Variants in SGCZ observed in about 807,000 individuals in gnomAD.
SGCZ encodes the protein sarcoglycan zeta, also known as zeta-sarcoglycan.
A neutral mutation model predicts 41.3 loss-of-function variants in SGCZ; 40 were observed. The ratio of observed to expected loss-of-function variants is 0.97; its 90% CI spans 0.75 to 1.26. The LOEUF (loss-of-function observed/expected upper bound fraction) is 1.26. Ranked by LOEUF, SGCZ falls within the 50% of genes most tolerant of loss-of-function variation. The probability of loss-of-function intolerance (pLI) is 0.00; values close to 1 mark genes in which losing one functional copy is unlikely to be tolerated. For missense variants in SGCZ, 552 were observed against 369.8 expected, an observed-to-expected ratio of 1.49 and a Z score of -4.04; for synonymous variants, 206 against 137.5, an observed-to-expected ratio of 1.50 and a Z score of -3.49.
intron 1 of SGCZ, among the ~76,000 whole-genome samples, chr8:14,850,273 T>C (rs1803268232): frequency 6.6e-6 from 1 of 152,186 alleles, no homozygotes; most frequent in African/African-American, 2.4e-5. Flanking sequence ...TGCACTGTGC[T>C]GGGCCGTGAA....
intron 4 of SGCZ, among the ~76,000 whole-genome samples, chr8:14,226,399 C>T (rs978809441): frequency 3.9e-5 from 6 of 152,052 alleles, no homozygotes; most frequent in African/African-American, 1.4e-4. Context: ...CTAAACCCTC[C>T]CCCATACCAT....
intron 1 of SGCZ, among the ~76,000 whole-genome samples, chr8:15,030,392 G>C (rs991429387): frequency 2.6e-5 from 4 of 151,924 alleles, no homozygotes; most frequent in African/African-American, 7.3e-5. Context: ...GTAAAAAAAA[G>C]GTTTTTACTA....
chr8:14,436,210 T>C (rs1800086440), intron 2 of SGCZ, among the ~76,000 whole-genome samples: 1 of 152,166 alleles, frequency 6.6e-6, no homozygotes, highest in Non-Finnish European at 1.5e-5. Context: ...TGGAAGCCAA[T>C]GAGCCACGGA....
intron 1 of SGCZ, among the ~76,000 whole-genome samples, chr8:14,857,060 T>A (rs1020795495): frequency 2.6e-5 from 4 of 152,170 alleles, no homozygotes; most frequent in Non-Finnish European, 5.9e-5. Flanking sequence ...TTTAGCACCA[T>A]CCTCTCTTAG....
intron 1 of SGCZ, among the ~76,000 whole-genome samples, chr8:14,701,473 C>G (rs1809134397): frequency 6.6e-6 from 1 of 151,962 alleles, no homozygotes; most frequent in Non-Finnish European, 1.5e-5. Context: ...CTTCTCTTCT[C>G]ACCGTCTACT....
intron 5 of SGCZ, among the ~76,000 whole-genome samples, chr8:14,119,472 G>C (rs576555326): frequency 4.7e-4 from 72 of 152,172 alleles, no homozygotes; most frequent in African/African-American, 1.7e-3. Flanking sequence ...CTCAGACAGT[G>C]GGGTTTTCTA....
intron 2 of SGCZ, among the ~76,000 whole-genome samples, chr8:14,331,177 A>T (rs1802306758): frequency 6.6e-6 from 1 of 151,960 alleles, no homozygotes; most frequent in Non-Finnish European, 1.5e-5. Context: ...AGAATTAAAT[A>T]TTTTCAATAA....
intron 1 of SGCZ, among the ~76,000 whole-genome samples, chr8:14,928,911 T>G (rs1253106842): frequency 6.6e-6 from 1 of 152,188 alleles, no homozygotes; most frequent in Non-Finnish European, 1.5e-5. Context: ...ATTTGTTCCA[T>G]TATCAAATGC....
intron 1 of SGCZ, among the ~76,000 whole-genome samples, chr8:14,898,156 C>T (rs1336665488): frequency 6.6e-6 from 1 of 151,878 alleles, no homozygotes; most frequent in African/African-American, 2.4e-5. Flanking sequence ...CATTACATTG[C>T]CCAGGCTGGT....
At chr8:14,527,210 C>G (rs963813716) in intron 2 of SGCZ, among the ~76,000 whole-genome samples, 24 of 152,132 alleles carry the variant, frequency 1.6e-4, no homozygotes, top group African/African-American at 5.8e-4. Context: ...TAATATGAAA[C>G]AAGCTTCAGT....
chr8:14,368,025 A>T (rs908550637), intron 2 of SGCZ, among the ~76,000 whole-genome samples: 10 of 152,078 alleles, frequency 6.6e-5, no homozygotes, highest in African/African-American at 2.2e-4. Flanking sequence ...TTATTCACAA[A>T]ACAGAAAGGT....
At chr8:14,871,661 G>A (rs950059286) in intron 1 of SGCZ, among the ~76,000 whole-genome samples, 4 of 151,754 alleles carry the variant, frequency 2.6e-5, no homozygotes, top group African/African-American at 9.7e-5. Flanking sequence ...AAAATTAGCT[G>A]GGCATGGTGG....
chr8:14,430,705 C>G (rs896769819), intron 2 of SGCZ, among the ~76,000 whole-genome samples: 2 of 152,060 alleles, frequency 1.3e-5, no homozygotes, highest in Non-Finnish European at 2.9e-5. Context: ...AGCAACCAGA[C>G]AAGAGAAAGA....
At chr8:14,945,663 C>T (rs956769251) in intron 1 of SGCZ, among the ~76,000 whole-genome samples, 1 of 151,816 alleles carries the variant, frequency 6.6e-6, no homozygotes, top group African/African-American at 2.4e-5. Flanking sequence ...GGGAGATCTA[C>T]AATCAATGTG....
chr8:14,486,709 A>T (rs1801686546), intron 2 of SGCZ, among the ~76,000 whole-genome samples: 1 of 152,178 alleles, frequency 6.6e-6, no homozygotes, highest in Non-Finnish European at 1.5e-5. Context: ...AGTAGCTGAG[A>T]CCACAGGCTT....
rs117716790 is a variant in SGCZ, at chr8:14,547,817, A to C, written c.234+6915T>G. ...TTTGCCTCCAAAGCTCGGGTCCAAA[A>C]CCTTCAATCAGGTTAACATCATCAA... On this transcript the variant is annotated intron_variant, in intron 2 of 7. Coordinates refer to ENST00000382080, the MANE Select transcript of SGCZ (RefSeq NM_139167.4). Among the ~76,000 whole-genome samples, 1,007 of 152,290 alleles carry C rather than the reference A, an allele frequency of 6.6e-3. 4 individuals are homozygous for C. Among genetic ancestry groups the C allele is most frequent in the Middle Eastern group, 0.02 (6 of 294 alleles).
At chr8:14,167,626 G>C (rs1804248620) in intron 4 of SGCZ, among the ~76,000 whole-genome samples, 2 of 152,178 alleles carry the variant, frequency 1.3e-5, no homozygotes, top group African/African-American at 4.8e-5. Context: ...AAAATAATAG[G>C]TTCCATAAAA....
chr8:14,641,514 GT>G (rs1314303467), intron 1 of SGCZ, among the ~76,000 whole-genome samples: 1 of 151,546 alleles, frequency 6.6e-6, no homozygotes, highest in Non-Finnish European at 1.5e-5. Context: ...TGTTTAAAAC[GT>G]TTTTAGAGTT....
chr8:14,405,820 A>G (rs76940759), intron 2 of SGCZ, among the ~76,000 whole-genome samples: 1 of 152,214 alleles, frequency 6.6e-6, no homozygotes, highest in African/African-American at 2.4e-5. Context: ...TAAATACATT[A>G]GAACATTTCG....
Sources: gnomAD v4.1 joint callset for allele counts (sites outside exome capture counted in the v4.1 genomes callset) on GRCh38, gnomAD v4.1.1 for gene constraint, MANE v1.5 for transcripts, NCBI Gene and HGNC (gene_info 2026-07-23, HGNC 2026-07-21) for gene names.